The following INSIG1 variants were observed in gnomAD, a reference collection of about 807,000 sequenced individuals.
INSIG1 encodes the protein insulin-induced gene 1 protein.
Under a neutral mutation model 26.5 loss-of-function variants are expected in INSIG1, and 14 were observed. The ratio of observed to expected loss-of-function variants is 0.53; its 90% CI spans 0.35 to 0.83. The LOEUF is 0.83. INSIG1 is among the 40% of genes least tolerant of loss of function. The pLI is 0.01. For missense variants in INSIG1, 272 were observed against 368.9 expected (o/e 0.74, Z 2.15); for synonymous variants, 147 against 153.3 (o/e 0.96, Z 0.30).
At chr7:155,303,859 C>G in intron 5 of INSIG1, 2 of 1,366,296 alleles carry the variant, frequency 1.5e-6, no homozygotes, top group Non-Finnish European at 2.0e-6. Context: ...AATTTGAAGA[C>G]CACTTGGCTG....
At chr7:155,304,894 T>G (rs1337027126) in intron 5 of INSIG1, among the ~76,000 whole-genome samples, 1 of 151,038 alleles carries the variant, frequency 6.6e-6, no homozygotes, top group Non-Finnish European at 1.5e-5. Context: ...TCCCAGCACT[T>G]TGGGAGGCTG....
intron 2 of INSIG1, 58 bp from the exon 3 acceptor site, chr7:155,301,508 T>C (rs1797784256): frequency 3.3e-6 from 5 of 1,538,072 alleles, no homozygotes; most frequent in Admixed American, 3.6e-5. Context: ...AATGACCACG[T>C]TGAAATTCTG....
At chr7:155,299,945 A>G (rs1027503843) in intron 2 of INSIG1, among the ~76,000 whole-genome samples, 2 of 152,130 alleles carry the variant, frequency 1.3e-5, no homozygotes, top group African/African-American at 4.8e-5. Flanking sequence ...GGTTTGTAGC[A>G]GATTAACAGA....
In INSIG1 at chr7:155,305,437, C is replaced by T. The variant is rs1377301777; in HGVS notation, c.804+2591C>T. The stretch of plus-strand genomic sequence containing the variant: ...CTCAGGCTGTGCCCCAGGTTGCATT[C>T]GTGGTGCGTGTTTTCTCCCAGGGCA... On this transcript the variant is annotated intron_variant, in intron 5 of 5. Transcript: ENST00000340368. Among the ~76,000 whole-genome samples the T allele has an allele frequency of 3.9e-5, 6 of 152,162 alleles. No individual in the cohort carries two copies. In the South Asian group the frequency reaches 6.2e-4, roughly 16 times the overall value.
rs143701174 is a variant in INSIG1, at chr7:155,303,660, A to G, written c.804+814A>G. On this transcript the variant is annotated intron_variant, in intron 5 of 5. Transcript: ENST00000340368. ...TTAGCACTTCAATTTAAAAACATAG[A>G]GGTGGACTTTTAAATGTTATTTTGA... 3.0e-3 allele frequency among the ~76,000 whole-genome samples: 455 copies of G among 152,278 alleles called. 4 individuals are homozygous for G. Among genetic ancestry groups the G allele is most frequent in the African/African-American group, 0.01 (421 of 41,558 alleles).
intron 5 of INSIG1, chr7:155,303,054 A>G (rs1563031683): frequency 4.4e-6 from 2 of 451,798 alleles, no homozygotes; most frequent in African/African-American, 2.0e-5. Context: ...TTTGATCTAG[A>G]AAAGGAACTA....
chr7:155,303,039 T>A (rs1797832250), intron 5 of INSIG1, 193 bp downstream of exon 5: 1 of 476,998 alleles, frequency 2.1e-6, no homozygotes, highest in Non-Finnish European at 3.8e-6. Context: ...TAAAAATTCA[T>A]AATATTTGAT....
intron 2 of INSIG1, among the ~76,000 whole-genome samples, chr7:155,299,181 T>C (rs1381013627): frequency 6.6e-6 from 1 of 152,230 alleles, no homozygotes; most frequent in Non-Finnish European, 1.5e-5. Context: ...GAGCAACTTC[T>C]CAGCACTTCC....
chr7:155,301,603 C>T lies in INSIG1; in HGVS notation c.450C>T (p.His150=). 1.9e-6 allele frequency: 3 copies of T among 1,611,412 alleles called. No homozygotes were observed. The highest frequency in any genetic ancestry group is 2.2e-5 in the East Asian group (1 of 44,872). Residue 150 remains histidine (H), a synonymous_variant, in exon 3 of 6, where the codon CAC becomes CAT. Coordinates refer to ENST00000340368, the MANE Select transcript of INSIG1 (RefSeq NM_005542.6). ...VGLLYPCIDS[H]LGEPHKFKRE... ...TACTGTACCCCTGTATCGACAGTCA[C>T]CTCGGAGAACCCCACAAATTTAAGA...
Position 155,308,326 on chromosome 7 carries a change from G to A in INSIG1, c.*56G>A, listed in dbSNP as rs772336686. 10 of 1,602,534 alleles carry A rather than the reference G, an allele frequency of 6.2e-6. No individual in the cohort carries two copies. Among genetic ancestry groups the A allele is most frequent in the South Asian group, 1.1e-5 (1 of 90,808 alleles). On this transcript the variant is annotated 3_prime_UTR_variant, in exon 6 of 6. Transcript: ENST00000340368. The stretch of plus-strand genomic sequence containing the variant: ...GAAGATTTTGGAAGAAAATCTGACT[G>A]TGGATTATGACAAAGATTATCTTTT...
intron 5 of INSIG1, chr7:155,303,768 GA>G: frequency 3.0e-6 from 3 of 998,132 alleles, no homozygotes; most frequent in Non-Finnish European, 2.8e-6. Flanking sequence ...TAAGCTCTGG[GA>G]AAACTTATCT....
intron 5 of INSIG1, among the ~76,000 whole-genome samples, chr7:155,308,016 G>C (rs1370117659): frequency 6.6e-6 from 1 of 152,166 alleles, no homozygotes; most frequent in African/African-American, 2.4e-5. Flanking sequence ...TTGCAGGTGA[G>C]AGCTGTGGCT....
intron 5 of INSIG1, among the ~76,000 whole-genome samples, chr7:155,305,145 CAA>C (rs34325240): frequency 3.7e-5 from 3 of 80,064 alleles, no homozygotes; most frequent in Non-Finnish European, 2.6e-5. Context: ...GACTCTGTCT[CAA>C]AAAAAAAAAA....
At chr7:155,301,428 A>G in intron 2 of INSIG1, 138 bp from the exon 3 acceptor site, 1 of 754,776 alleles carries the variant, frequency 1.3e-6, no homozygotes, top group Non-Finnish European at 2.0e-6. Context: ...AGAATATAAA[A>G]TCACTCTGAA....
At chr7:155,303,948 A>G in intron 5 of INSIG1, 1 of 897,512 alleles carries the variant, frequency 1.1e-6, no homozygotes, top group Non-Finnish European at 1.6e-6. Flanking sequence ...CAAATTTCTC[A>G]TGATGGAGAA....
chr7:155,299,358 G>C (rs1797723808), intron 2 of INSIG1, among the ~76,000 whole-genome samples: 1 of 152,212 alleles, frequency 6.6e-6, no homozygotes, highest in Non-Finnish European at 1.5e-5. Context: ...GTAACACTGA[G>C]TCAGTCTGAA....
rs764489772 is a variant in INSIG1 at position 155,304,981 on chromosome 7, CA to C, written c.804+2151del. 8.0e-3 allele frequency among the ~76,000 whole-genome samples: 1,036 copies of C among 129,766 alleles called. 15 individuals are homozygous for C. Among genetic ancestry groups the C allele is most frequent in the African/African-American group, 0.025 (880 of 35,002 alleles). The allele number at this position is 129,766 out of a possible 152,430, so 85.1% of individuals were successfully genotyped here. ...TGAAACCCCGTCTGTACTAAAAATA[CA>C]AAAAAAAAAAAAAAATAGCCAGGCG... On this transcript the variant is annotated intron_variant, in intron 5 of 5. Coordinates refer to ENST00000340368, the MANE Select transcript of INSIG1 (RefSeq NM_005542.6).
intron 1 of INSIG1, 54 bp from the exon 2 acceptor site, chr7:155,298,205 G>GCCC (rs1051331026): frequency 7.5e-7 from 1 of 1,326,856 alleles, no homozygotes; most frequent in African/African-American, 1.6e-5. Flanking sequence ...GTCCCGCGGG[G>GCCC]CCTTCCTCGC....
chr7:155,298,126 C>G (rs1797669966), intron 1 of INSIG1, 133 bp from the exon 2 acceptor site: 3 of 649,478 alleles, frequency 4.6e-6, no homozygotes, highest in Non-Finnish European at 6.8e-6. Context: ...GCCGCTGGCC[C>G]CGGGCGGGCG....
Sources: gnomAD v4.1 joint callset for allele counts (sites outside exome capture counted in the v4.1 genomes callset) on GRCh38, gnomAD v4.1.1 for gene constraint, MANE v1.5 for transcripts, NCBI Gene and HGNC (gene_info 2026-07-23, HGNC 2026-07-21) for gene names.